The following PTPRA variants were observed in gnomAD, a reference collection of about 807,000 sequenced individuals.
PTPRA encodes protein tyrosine phosphatase receptor type A.
In PTPRA, 25 loss-of-function variants were observed where a neutral mutation model predicts 104.8. The observed-to-expected ratio is 0.24, with a 90% CI of 0.17 to 0.33. PTPRA has a LOEUF of 0.33. Ranked by LOEUF, PTPRA falls within the 10% of genes least tolerant of loss-of-function variation. The pLI is 1.00. For missense variants in PTPRA, 765 were observed against 1,015.3 expected (o/e 0.75, Z 3.35); for synonymous variants, 323 against 368.9 (o/e 0.88, Z 1.43).
chr20:2,909,859 T>TAAGATAA (rs2059572414), intron 1 of PTPRA, among the ~76,000 whole-genome samples: 1 of 129,860 alleles, frequency 7.7e-6, no homozygotes, highest in Non-Finnish European at 1.5e-5. Context: ...ATAATATATA[T>TAAGATAA]TATATAATAT....
chr20:3,004,605 G>C (rs568676046), intron 9 of PTPRA, among the ~76,000 whole-genome samples: 1 of 148,554 alleles, frequency 6.7e-6, no homozygotes, highest in Non-Finnish European at 1.5e-5. Flanking sequence ...CCTAGGAAGA[G>C]ATTAAATCAG....
At chr20:2,864,922 A>G in the PTPRA span, 2 of 1,608,628 alleles carry the variant, frequency 1.2e-6, no homozygotes, top group Non-Finnish European at 1.7e-6. The surrounding 1 kb of genome is among the most constrained non-coding windows in gnomAD (Gnocchi z 5.2). Context: ...AGCCTGGGTG[A>G]GGAGGGCGAG....
intron 13 of PTPRA, among the ~76,000 whole-genome samples, chr20:3,019,391 C>T (rs2064711855): frequency 6.7e-6 from 1 of 150,214 alleles, no homozygotes; most frequent in Admixed American, 6.6e-5. Context: ...CTCCTCACTT[C>T]TCAGACGGGG....
At chr20:2,971,297 C>T (rs1262132474) in intron 5 of PTPRA, among the ~76,000 whole-genome samples, 1 of 151,976 alleles carries the variant, frequency 6.6e-6, no homozygotes, top group Non-Finnish European at 1.5e-5. Flanking sequence ...GCAATATATT[C>T]CATTTTCTGA....
chr20:2,904,365 A>AT (rs2059340791), intron 1 of PTPRA, among the ~76,000 whole-genome samples: 2 of 152,222 alleles, frequency 1.3e-5, no homozygotes, highest in African/African-American at 2.4e-5. Context: ...TTACTGAAGG[A>AT]TTTTTTTAAA....
chr20:2,982,263 A>G (rs1402742057), intron 6 of PTPRA, among the ~76,000 whole-genome samples: 1 of 151,412 alleles, frequency 6.6e-6, no homozygotes, highest in Non-Finnish European at 1.5e-5. Context: ...CTAATTTTGT[A>G]TTTTTAGCAG....
intron 9 of PTPRA, among the ~76,000 whole-genome samples, chr20:3,001,746 C>T (rs996450895): frequency 2.9e-4 from 44 of 152,044 alleles, no homozygotes; most frequent in Non-Finnish European, 5.9e-4. Flanking sequence ...GGGGTAATTG[C>T]CTCTGTTAGT....
intron 6 of PTPRA, among the ~76,000 whole-genome samples, chr20:2,982,347 A>G (rs1020539497): frequency 2.0e-5 from 3 of 152,090 alleles, no homozygotes; most frequent in African/African-American, 7.2e-5. Flanking sequence ...TCGGCCTCCC[A>G]AAGTGCTGGG....
At chr20:2,909,173 T>C (rs577406445) in intron 1 of PTPRA, among the ~76,000 whole-genome samples, 12 of 152,314 alleles carry the variant, frequency 7.9e-5, no homozygotes, top group South Asian at 4.1e-4. Flanking sequence ...ATGTACATTA[T>C]TTAACCTTCA....
At chr20:3,020,453 G>T (rs1368298465) in intron 13 of PTPRA, among the ~76,000 whole-genome samples, 1 of 152,158 alleles carries the variant, frequency 6.6e-6, no homozygotes, top group Non-Finnish European at 1.5e-5. Context: ...CTGGTTTTCT[G>T]CCCCACCTGC....
At chr20:2,984,811 A>G (rs1444186693) in intron 6 of PTPRA, among the ~76,000 whole-genome samples, 1 of 152,110 alleles carries the variant, frequency 6.6e-6, no homozygotes, top group African/African-American at 2.4e-5. Flanking sequence ...CCCAGTGTCT[A>G]GAAAGCTCTT....
intron 1 of PTPRA, among the ~76,000 whole-genome samples, chr20:2,906,387 A>G (rs1019480273): frequency 2.6e-5 from 4 of 152,218 alleles, no homozygotes; most frequent in African/African-American, 9.6e-5. Context: ...GGCTGAAGAA[A>G]ACCTTTCTCC....
rs376221979 is a variant in PTPRA, at chr20:2,994,231, G to T, written c.738+5757G>T. Among the ~76,000 whole-genome samples, 13 of 152,288 alleles carry T rather than the reference G, an allele frequency of 8.5e-5. 1 individual carries two copies. The highest frequency in any genetic ancestry group is 5.8e-4 in the East Asian group (3 of 5,178). On this transcript the variant is annotated intron_variant, in intron 9 of 23. Coordinates refer to ENST00000399903, the MANE Select transcript of PTPRA (RefSeq NM_001385305.1). ...ATGTGTGTTAATGCGCTGTGGCAGGGTTCCTCCTTACAGATGCCTGGCCTC... is the reference window on the plus strand; with the variant it reads ...ATGTGTGTTAATGCGCTGTGGCAGGTTTCCTCCTTACAGATGCCTGGCCTC...
chr20:3,035,089 G>A lies in PTPRA; in HGVS notation c.1921-496G>A, dbSNP rs2065731664. Among the ~76,000 whole-genome samples the A allele has an allele frequency of 6.6e-6, 1 of 152,106 alleles. No individual in the cohort carries two copies. Among genetic ancestry groups the A allele is most frequent in the Admixed American group, 6.5e-5 (1 of 15,268 alleles). ...TGCTCACTAGCAAGGACAGAAAGGC[G>A]AGTGCTAGCAACTTGAAGGTACCTT... is the stretch of plus-strand genomic sequence containing the variant. On this transcript the variant is annotated intron_variant, in intron 20 of 23. Coordinates refer to ENST00000399903, the MANE Select transcript of PTPRA (RefSeq NM_001385305.1). The surrounding 1 kb of genome is among the most constrained non-coding windows in gnomAD (Gnocchi z 5.8).
At chr20:3,010,053 C>A (rs1487798529) in intron 11 of PTPRA, among the ~76,000 whole-genome samples, 1 of 151,752 alleles carries the variant, frequency 6.6e-6, no homozygotes, top group Non-Finnish European at 1.5e-5. Context: ...TTTTGCTATG[C>A]TGGCCAGGCT....
chr20:3,005,543 C>G (rs2063823250), intron 10 of PTPRA, among the ~76,000 whole-genome samples: 1 of 151,034 alleles, frequency 6.6e-6, no homozygotes, highest in South Asian at 2.1e-4. Flanking sequence ...AGGGCAAGAC[C>G]GTGTCTCAAA....
chr20:2,906,511 A>G (rs981814548), intron 1 of PTPRA, among the ~76,000 whole-genome samples: 2 of 152,224 alleles, frequency 1.3e-5, no homozygotes, highest in Non-Finnish European at 2.9e-5. Flanking sequence ...CAAGAGAGAA[A>G]ACAAATTTTG....
rs1426752044 is a variant in PTPRA at position 2,873,588 on chromosome 20, C to T, written c.-301C>T. The T allele has an allele frequency of 6.6e-6, 1 of 151,320 alleles. No individual in the cohort carries two copies. Among genetic ancestry groups the T allele is most frequent in the Non-Finnish European group, 1.5e-5 (1 of 67,742 alleles). The allele number at this position is 151,320 out of a possible 1,614,324, so 9.4% of individuals were successfully genotyped here. ...GCCATCACTGTCGCCCGCCCAGTCG[C>T]CCCTCAGCCGCTTCCCCTCGCCATG... On this transcript the variant is annotated 5_prime_UTR_variant, in exon 1 of 24. Coordinates refer to ENST00000399903, the MANE Select transcript of PTPRA (RefSeq NM_001385305.1). The surrounding 1 kb of genome is among the most constrained non-coding windows in gnomAD (Gnocchi z 4.4).
At chr20:2,928,830 CT>C (rs762180655) in intron 2 of PTPRA, among the ~76,000 whole-genome samples, 381 of 135,402 alleles carry the variant, frequency 2.8e-3, no homozygotes, top group Middle Eastern at 7.8e-3. Flanking sequence ...TTTTTTCTCT[CT>C]TTTTTTTTTT....
Sources: gnomAD v4.1 joint callset for allele counts (sites outside exome capture counted in the v4.1 genomes callset) on GRCh38, gnomAD v4.1.1 for gene constraint, Gnocchi (gnomAD v3.1) non-coding constraint, MANE v1.5 for transcripts, NCBI Gene and HGNC (gene_info 2026-07-23, HGNC 2026-07-21) for gene names.